CCDC171: variants seen among roughly 807,000 people sequenced by gnomAD.
The protein encoded by CCDC171 is coiled-coil domain containing 171.
In CCDC171, 177 loss-of-function variants were observed where a neutral mutation model predicts 168.2. The observed-to-expected ratio is 1.05, with a 90% CI of 0.93 to 1.19. The LOEUF (loss-of-function observed/expected upper bound fraction) is 1.19. Among genes scored for constraint, CCDC171 ranks in the 50% most tolerant of loss-of-function variants. CCDC171 has a pLI of 0.00. For synonymous variants in CCDC171, 687 were observed against 540.8 expected (o/e 1.27, Z -3.75); for missense variants, 1,991 against 1,539.0 (o/e 1.29, Z -4.91).
At chr9:15,967,061 C>A (rs1224968257) in intron 25 of CCDC171, among the ~76,000 whole-genome samples, 2 of 152,122 alleles carry the variant, frequency 1.3e-5, no homozygotes, top group African/African-American at 4.8e-5. Flanking sequence ...CCAACTCTGG[C>A]TGTCTGTATA....
chr9:16,067,099 T>G, the CCDC171 span, among the ~76,000 whole-genome samples: 3 of 151,934 alleles, frequency 2.0e-5, no homozygotes, highest in Non-Finnish European at 4.4e-5. Flanking sequence ...GTGTTCCTAT[T>G]TCTCCACATC....
intron 10 of CCDC171, among the ~76,000 whole-genome samples, chr9:15,687,055 T>C (rs2050447028): frequency 1.3e-5 from 2 of 152,304 alleles, no homozygotes; most frequent in South Asian, 4.1e-4. Context: ...TCATACAAAG[T>C]GTCTTCTCTG....
chr9:16,080,590 A>C, the CCDC171 span, among the ~76,000 whole-genome samples: 1 of 152,346 alleles, frequency 6.6e-6, no homozygotes, highest in South Asian at 2.1e-4. Flanking sequence ...CAGCAAGTCA[A>C]AAATTCCAAT....
chr9:16,075,978 C>T, the CCDC171 span, among the ~76,000 whole-genome samples: 1 of 152,184 alleles, frequency 6.6e-6, no homozygotes, highest in Non-Finnish European at 1.5e-5. Context: ...ACTGAGTCAT[C>T]ACATAAAATG....
At chr9:15,590,775 T>TTC (rs1554693047) in intron 4 of CCDC171, among the ~76,000 whole-genome samples, 90 of 84,832 alleles carry the variant, frequency 1.1e-3, no homozygotes, top group African/African-American at 4.2e-3. Flanking sequence ...TTCTTTCTCT[T>TTC]TCTTTCTTTC....
intron 21 of CCDC171, among the ~76,000 whole-genome samples, chr9:15,842,756 G>T (rs1302346469): frequency 6.6e-6 from 1 of 151,530 alleles, no homozygotes; most frequent in Non-Finnish European, 1.5e-5. Flanking sequence ...TGTTTTCATA[G>T]GTGTGAGATA....
intron 21 of CCDC171, among the ~76,000 whole-genome samples, chr9:15,804,810 A>G (rs2058999048): frequency 6.6e-6 from 1 of 151,996 alleles, no homozygotes; most frequent in African/African-American, 2.4e-5. Context: ...CAATTTTTGG[A>G]ATAGTTTCAG....
At chr9:15,942,668 G>A (rs796431474) in intron 25 of CCDC171, among the ~76,000 whole-genome samples, 2 of 152,010 alleles carry the variant, frequency 1.3e-5, no homozygotes, top group African/African-American at 4.8e-5. Context: ...TAAGTTCTAA[G>A]TTCAGGTAAA....
chr9:15,931,712 G>T (rs1177470673), intron 25 of CCDC171, among the ~76,000 whole-genome samples: 1 of 151,256 alleles, frequency 6.6e-6, no homozygotes, highest in African/African-American at 2.4e-5. Flanking sequence ...ATATCATGAA[G>T]CATTTCTCCT....
chr9:16,094,164 G>T, the CCDC171 span, among the ~76,000 whole-genome samples: 4 of 152,168 alleles, frequency 2.6e-5, no homozygotes, highest in African/African-American at 9.7e-5. Flanking sequence ...CGGTGGGCTG[G>T]AAGGAGCACT....
At chr9:15,863,214 G>C (rs555640353) in intron 23 of CCDC171, among the ~76,000 whole-genome samples, 16 of 152,156 alleles carry the variant, frequency 1.1e-4, no homozygotes, top group African/African-American at 2.9e-4. Flanking sequence ...GGAGCTGAGA[G>C]TTCCCTCCTG....
intron 18 of CCDC171, among the ~76,000 whole-genome samples, chr9:15,775,051 A>G (rs1342628290): frequency 6.6e-6 from 1 of 152,162 alleles, no homozygotes; most frequent in Non-Finnish European, 1.5e-5. Flanking sequence ...AATCACCACT[A>G]AAATATTTAT....
intron 21 of CCDC171, among the ~76,000 whole-genome samples, chr9:15,835,494 C>T (rs200691375): frequency 6.6e-6 from 1 of 152,276 alleles, no homozygotes; most frequent in East Asian, 1.9e-4. Flanking sequence ...ATGGCGTGAT[C>T]TCGGCTCACT....
At chr9:15,714,660 C>T (rs7847144) in intron 11 of CCDC171, among the ~76,000 whole-genome samples, 69,582 of 151,854 alleles carry the variant, frequency 0.46, 16,551 homozygotes, top group East Asian at 0.78. Context: ...GGAAGATTTA[C>T]GGTATTTTTT....
chr9:15,635,581 T>G (rs1814903561), intron 7 of CCDC171, among the ~76,000 whole-genome samples: 1 of 152,088 alleles, frequency 6.6e-6, no homozygotes, highest in South Asian at 2.1e-4. Flanking sequence ...AGACTGAGGG[T>G]AGGCTGCCTC....
At chr9:16,054,879 T>C (rs1833810410) in intron 1 of CCDC171, among the ~76,000 whole-genome samples, 1 of 152,056 alleles carries the variant, frequency 6.6e-6, no homozygotes, top group African/African-American at 2.4e-5. Flanking sequence ...AGACACCCCC[T>C]CCCCACACAC....
intron 9 of CCDC171, among the ~76,000 whole-genome samples, chr9:15,670,350 T>G: frequency 6.6e-6 from 1 of 152,180 alleles, no homozygotes; most frequent in Non-Finnish European, 1.5e-5. Flanking sequence ...TTAACTAAAA[T>G]CTTGATTTTA....
chr9:15,854,278 G>C (rs867970512), intron 23 of CCDC171, among the ~76,000 whole-genome samples: 1 of 151,126 alleles, frequency 6.6e-6, no homozygotes, highest in Non-Finnish European at 1.5e-5. Flanking sequence ...TTCTTTTCTC[G>C]TTATAGATTT....
intron 24 of CCDC171, among the ~76,000 whole-genome samples, chr9:15,901,540 A>C (rs1225485774): frequency 6.6e-6 from 1 of 152,250 alleles, no homozygotes; most frequent in Non-Finnish European, 1.5e-5. Context: ...AATATACCAT[A>C]AAATCTATCT....
Sources: gnomAD v4.1 joint callset for allele counts (sites outside exome capture counted in the v4.1 genomes callset) on GRCh38, gnomAD v4.1.1 for gene constraint, MANE v1.5 for transcripts, NCBI Gene and HGNC (gene_info 2026-07-23, HGNC 2026-07-21) for gene names.